SGCD: variants seen among roughly 807,000 people sequenced by gnomAD.
SGCD encodes the protein sarcoglycan delta, also known as delta-sarcoglycan.
A neutral mutation model predicts 36.6 loss-of-function variants in SGCD; 18 were observed. That is an observed-to-expected ratio of 0.49 (90% confidence interval 0.34 to 0.73). The LOEUF (loss-of-function observed/expected upper bound fraction) is 0.73. SGCD is among the 30% of genes least tolerant of loss of function. SGCD has a pLI of 0.01. For synonymous variants in SGCD, 133 were observed against 130.6 expected (o/e 1.02, Z -0.12); for missense variants, 387 against 346.7 (o/e 1.12, Z -0.92).
At chr5:156,201,526 C>T (rs774224740) in intron 3 of SGCD, among the ~76,000 whole-genome samples, 1 of 152,072 alleles carries the variant, frequency 6.6e-6, no homozygotes, top group Non-Finnish European at 1.5e-5. Context: ...TGGTTGGAGG[C>T]CCACGGTTTA....
At chr5:156,180,571 G>C (rs1424758200) in intron 3 of SGCD, among the ~76,000 whole-genome samples, 2 of 152,106 alleles carry the variant, frequency 1.3e-5, no homozygotes, top group Non-Finnish European at 2.9e-5. Context: ...TAATAATGGA[G>C]GGGCCAGGGG....
chr5:156,418,712 A>G (rs973170414), intron 3 of SGCD, among the ~76,000 whole-genome samples: 9 of 152,200 alleles, frequency 5.9e-5, no homozygotes, highest in Non-Finnish European at 4.4e-5. Flanking sequence ...TAGGTGCAGG[A>G]CATTCAGAAA....
At chr5:155,917,414 G>T (rs763638648) in intron 1 of SGCD, among the ~76,000 whole-genome samples, 23 of 152,058 alleles carry the variant, frequency 1.5e-4, no homozygotes, top group Non-Finnish European at 2.9e-4. Flanking sequence ...CATGGGATCT[G>T]GCCTGTAGTA....
intron 3 of SGCD, among the ~76,000 whole-genome samples, chr5:156,387,758 C>T (rs781630583): frequency 4.6e-5 from 7 of 152,098 alleles, no homozygotes; most frequent in Non-Finnish European, 8.8e-5. Flanking sequence ...AGAAAAATAT[C>T]CTTATTTAGG....
intron 1 of SGCD, among the ~76,000 whole-genome samples, chr5:155,878,269 T>A (rs1474272848): frequency 1.3e-5 from 2 of 152,140 alleles, no homozygotes; most frequent in Admixed American, 6.6e-5. Context: ...AACAGTTCAG[T>A]GGCTTGAATC....
chr5:155,776,822 T>C, the SGCD span, among the ~76,000 whole-genome samples: 1 of 152,136 alleles, frequency 6.6e-6, no homozygotes, highest in Non-Finnish European at 1.5e-5. Flanking sequence ...GTTAGTATAG[T>C]CAGTTATACT....
At chr5:156,202,356 T>A (rs1290651411) in intron 3 of SGCD, among the ~76,000 whole-genome samples, 1 of 152,204 alleles carries the variant, frequency 6.6e-6, no homozygotes, top group East Asian at 1.9e-4. Flanking sequence ...TTTACAATTT[T>A]AAATTTGGCC....
chr5:156,740,549 CCACACAGTGGG>C (rs1302704415), intron 7 of SGCD, among the ~76,000 whole-genome samples: 1 of 152,142 alleles, frequency 6.6e-6, no homozygotes, highest in East Asian at 1.9e-4. Flanking sequence ...TATAATGGGC[CCACACAGTGGG>C]CACTGTAGAT....
intron 3 of SGCD, among the ~76,000 whole-genome samples, chr5:156,458,805 AG>A: frequency 6.6e-6 from 1 of 152,164 alleles, no homozygotes; most frequent in Non-Finnish European, 1.5e-5. Context: ...CACATGGGAG[AG>A]CCTTTGTTAA....
intron 3 of SGCD, among the ~76,000 whole-genome samples, chr5:156,498,664 C>T (rs1756308581): frequency 1.3e-5 from 2 of 152,176 alleles, no homozygotes; most frequent in Non-Finnish European, 2.9e-5. Context: ...CTTATCCATT[C>T]ATCAGTTAAT....
At chr5:156,733,248 C>A (rs1756172989) in intron 7 of SGCD, among the ~76,000 whole-genome samples, 2 of 152,034 alleles carry the variant, frequency 1.3e-5, no homozygotes, top group Admixed American at 6.6e-5. Context: ...GATTCTGATA[C>A]ATTGTTCTTA....
At chr5:156,647,576 T>C in intron 7 of SGCD, 40 bp downstream of exon 7, 2 of 1,301,844 alleles carry the variant, frequency 1.5e-6, no homozygotes, top group Non-Finnish European at 2.2e-6. Context: ...TAATGGCTAT[T>C]GCCTTGCTCT....
At chr5:155,949,720 G>A (rs926777898) in intron 1 of SGCD, among the ~76,000 whole-genome samples, 4 of 152,056 alleles carry the variant, frequency 2.6e-5, no homozygotes, top group Admixed American at 6.6e-5. Context: ...ACTTGTTTTC[G>A]TATTGTCTAT....
At chr5:156,681,214 C>A (rs768004094) in intron 7 of SGCD, among the ~76,000 whole-genome samples, 1 of 152,118 alleles carries the variant, frequency 6.6e-6, no homozygotes, top group Non-Finnish European at 1.5e-5. Context: ...TATTGAATGC[C>A]GAAGACTTTA....
intron 1 of SGCD, among the ~76,000 whole-genome samples, chr5:155,947,933 GA>G (rs11412228): frequency 4.1e-4 from 62 of 149,548 alleles, no homozygotes; most frequent in East Asian, 3.4e-3. Flanking sequence ...CTATAAAAGT[GA>G]AAAAAAAAGG....
chr5:156,345,442 A>T (rs868443142), intron 3 of SGCD, among the ~76,000 whole-genome samples: 1 of 152,212 alleles, frequency 6.6e-6, no homozygotes, highest in Non-Finnish European at 1.5e-5. Context: ...TAGCTCATTA[A>T]TGAGGAAATA....
intron 3 of SGCD, among the ~76,000 whole-genome samples, chr5:156,357,049 T>C (rs1769527900): frequency 6.6e-6 from 1 of 152,240 alleles, no homozygotes; most frequent in Non-Finnish European, 1.5e-5. Flanking sequence ...TGTGATAATT[T>C]GTCATGGTAG....
At chr5:156,395,598 T>C (rs1771803857) in intron 3 of SGCD, among the ~76,000 whole-genome samples, 1 of 152,194 alleles carries the variant, frequency 6.6e-6, no homozygotes, top group African/African-American at 2.4e-5. Flanking sequence ...CATCATCCAT[T>C]TGTATATTCA....
chr5:156,609,832 C>A (rs992546342), intron 6 of SGCD, among the ~76,000 whole-genome samples: 1 of 152,200 alleles, frequency 6.6e-6, no homozygotes. Flanking sequence ...TCCAGTTGAT[C>A]GAATCGGCTC....
Sources: gnomAD v4.1 joint callset for allele counts (sites outside exome capture counted in the v4.1 genomes callset) on GRCh38, gnomAD v4.1.1 for gene constraint, MANE v1.5 for transcripts, NCBI Gene and HGNC (gene_info 2026-07-23, HGNC 2026-07-21) for gene names.